The following FMN1 variants were observed in gnomAD, a reference collection of about 807,000 sequenced individuals.
FMN1 encodes the protein formin-1.
FMN1 carries 110 observed loss-of-function variants against 132.4 expected under a neutral mutation model. That is an observed-to-expected ratio of 0.83 (90% confidence interval 0.71 to 0.97). The LOEUF (loss-of-function observed/expected upper bound fraction) is 0.97, where lower values mean the gene tolerates loss of function less well. Among genes scored for constraint, FMN1 ranks in the 50% least tolerant of loss-of-function variants. The pLI is 0.00. For missense variants in FMN1, 1,792 were observed against 1,705.3 expected (o/e 1.05, Z -0.90); for synonymous variants, 722 against 651.7 (o/e 1.11, Z -1.64).
intron 9 of FMN1, among the ~76,000 whole-genome samples, chr15:32,942,174 G>A (rs2061415838): frequency 6.6e-6 from 1 of 152,208 alleles, no homozygotes; most frequent in African/African-American, 2.4e-5. Flanking sequence ...CTTCCAGAGT[G>A]GGAAAGGCAG....
intron 4 of FMN1, 140 bp downstream of exon 4, chr15:33,152,908 G>A: frequency 3.6e-6 from 3 of 838,884 alleles, no homozygotes; most frequent in East Asian, 2.7e-5. Context: ...TCCACTCCCC[G>A]TTTTCTTGCT....
At chr15:33,067,862 A>T in intron 5 of FMN1, 1 of 1,611,958 alleles carries the variant, frequency 6.2e-7, no homozygotes, top group Non-Finnish European at 8.5e-7. Context: ...ACTGCCATCC[A>T]GAGAATTATC....
chr15:33,098,935 A>G (rs1212472001), intron 4 of FMN1, among the ~76,000 whole-genome samples: 2 of 151,968 alleles, frequency 1.3e-5, no homozygotes, highest in East Asian at 3.9e-4. Flanking sequence ...GGGGCCCTTC[A>G]ATCTCCACAC....
intron 9 of FMN1, among the ~76,000 whole-genome samples, chr15:32,954,737 G>A (rs948812390): frequency 2.6e-5 from 4 of 152,080 alleles, no homozygotes; most frequent in African/African-American, 9.7e-5. Flanking sequence ...TGGGCACGGA[G>A]GCTCACGCCT....
At chr15:32,807,043 T>C (rs974839053) in intron 17 of FMN1, among the ~76,000 whole-genome samples, 2 of 152,176 alleles carry the variant, frequency 1.3e-5, no homozygotes, top group Non-Finnish European at 2.9e-5. Flanking sequence ...GCCTTAATTG[T>C]AGAAAACTGG....
chr15:32,920,322 T>C (rs1325501122), intron 10 of FMN1, among the ~76,000 whole-genome samples: 13 of 152,146 alleles, frequency 8.5e-5, no homozygotes, highest in Admixed American at 2.6e-4. Context: ...CAGCAGTAAG[T>C]AGATTACTTA....
intron 2 of FMN1, among the ~76,000 whole-genome samples, chr15:33,185,519 G>C (rs1965850276): frequency 6.8e-6 from 1 of 147,250 alleles, no homozygotes; most frequent in Non-Finnish European, 1.5e-5. Context: ...TTTTAGAGAA[G>C]TCTTATTTCA....
At chr15:33,011,801 C>T (rs1738706456) in intron 6 of FMN1, among the ~76,000 whole-genome samples, 3 of 152,018 alleles carry the variant, frequency 2.0e-5, no homozygotes. Context: ...TCAACAGGCG[C>T]TCTAAAAAGA....
rs541227330 is a variant in FMN1, at chr15:33,119,307, G to T, written c.1868-30333C>A. Among the ~76,000 whole-genome samples, 13 of 152,250 alleles carry T rather than the reference G, an allele frequency of 8.5e-5. No homozygotes were observed. The South Asian group carries it at 2.7e-3, about 32-fold the overall frequency. ...ACTTCCAAATCCTGGGAACTGAAAT[G>T]GACTGTCCATATCTTGGGCTACAGT... On this transcript the variant is annotated intron_variant, in intron 4 of 20. Transcript: ENST00000616417.
At chr15:33,059,446 T>G (rs2037382546) in intron 6 of FMN1, among the ~76,000 whole-genome samples, 1 of 152,224 alleles carries the variant, frequency 6.6e-6, no homozygotes, top group Non-Finnish European at 1.5e-5. Context: ...GTAGTTCTAT[T>G]TTTAGTTTTT....
chr15:32,843,519 C>A lies in FMN1; in HGVS notation c.3928+13496G>T, dbSNP rs1362978832. On this transcript the variant is annotated intron_variant, in intron 17 of 20. Transcript: ENST00000616417. Reference sequence around the variant, plus strand: ...AGAATATATTAAAGAGAGAACAGTGCCCTCCTGGGAAGAAGAGCAATTTCA... The same window carrying A: ...AGAATATATTAAAGAGAGAACAGTGACCTCCTGGGAAGAAGAGCAATTTCA... Among the ~76,000 whole-genome samples the A allele has an allele frequency of 3.9e-5, 6 of 152,306 alleles. No individual in the cohort carries two copies. The East Asian group carries it at 7.7e-4, about 20-fold the overall frequency.
At chr15:33,038,731 C>A (rs2036294678) in intron 6 of FMN1, among the ~76,000 whole-genome samples, 1 of 152,166 alleles carries the variant, frequency 6.6e-6, no homozygotes, top group Non-Finnish European at 1.5e-5. Context: ...AGTCTTTACA[C>A]TTGAGCAAAG....
chr15:32,822,693 G>T (rs753480773), intron 17 of FMN1, among the ~76,000 whole-genome samples: 1 of 151,970 alleles, frequency 6.6e-6, no homozygotes, highest in Non-Finnish European at 1.5e-5. Context: ...TTTCATTTCT[G>T]GGAAGTAATG....
intron 6 of FMN1, among the ~76,000 whole-genome samples, chr15:33,023,400 A>G (rs1299057111): frequency 6.6e-6 from 1 of 152,226 alleles, no homozygotes; most frequent in Non-Finnish European, 1.5e-5. Flanking sequence ...TAAATCTTAA[A>G]CATATGAAAA....
chr15:32,995,989 A>G (rs1376795433), intron 7 of FMN1, among the ~76,000 whole-genome samples: 1 of 152,354 alleles, frequency 6.6e-6, no homozygotes, highest in Non-Finnish European at 1.5e-5. Flanking sequence ...TTACCTCGGC[A>G]CATAGCTTAT....
intron 17 of FMN1, among the ~76,000 whole-genome samples, chr15:32,816,862 A>T (rs2058074799): frequency 6.6e-6 from 1 of 152,240 alleles, no homozygotes; most frequent in African/African-American, 2.4e-5. Context: ...CAATCTCTAT[A>T]AAGTAACCAT....
intron 12 of FMN1, among the ~76,000 whole-genome samples, chr15:32,904,583 G>A (rs1280588380): frequency 2.0e-5 from 3 of 152,152 alleles, no homozygotes; most frequent in Non-Finnish European, 2.9e-5. Context: ...AATGGATGAG[G>A]AAGCTGCTAA....
chr15:32,881,806 C>G (rs1344110124), intron 16 of FMN1, among the ~76,000 whole-genome samples: 1 of 152,140 alleles, frequency 6.6e-6, no homozygotes. Context: ...TGTGACTTGA[C>G]AAGTTCTGGA....
chr15:32,882,022 G>A (rs952116598), intron 16 of FMN1, among the ~76,000 whole-genome samples: 1 of 152,176 alleles, frequency 6.6e-6, no homozygotes, highest in Non-Finnish European at 1.5e-5. Context: ...GAGACAGAGA[G>A]GGAGTCAGAG....
Sources: allele counts gnomAD v4.1 joint callset (sites outside exome capture counted in the v4.1 genomes callset), GRCh38; gene constraint gnomAD v4.1.1; transcripts MANE v1.5; gene names NCBI Gene and HGNC (gene_info 2026-07-23, HGNC 2026-07-21).